PLK5: variants seen among roughly 807,000 people sequenced by gnomAD.
The protein encoded by PLK5 is inactive serine/threonine-protein kinase PLK5.
A neutral mutation model predicts 33.7 loss-of-function variants in PLK5; 28 were observed. The observed-to-expected ratio is 0.83, with a 90% CI of 0.62 to 1.14. PLK5 has a LOEUF of 1.14. Among genes scored for constraint, PLK5 ranks in the 50% most tolerant of loss-of-function variants. The probability of loss-of-function intolerance (pLI) is 0.00; values close to 1 mark genes in which losing one functional copy is unlikely to be tolerated. For missense variants in PLK5, 492 were observed against 461.5 expected (o/e 1.07, Z -0.61); for synonymous variants, 225 against 202.2 (o/e 1.11, Z -0.96).
In PLK5 at chr19:1,527,982, T is replaced by A. The variant is rs1194179676; in HGVS notation, c.49T>A (p.Ser17Thr). 2.0e-6 allele frequency: 3 copies of A among 1,536,022 alleles called. No individual in the cohort carries two copies. The highest frequency in any genetic ancestry group is 2.4e-5 in the East Asian group (1 of 40,904). The change falls in exon 7 of 14, where the codon TCG becomes ACG. Residue 17 changes from serine (S) to threonine (T), a missense_variant. Physicochemically the swap from Ser to Thr is moderately conservative, Grantham distance 58. Transcript: ENST00000454744. ...CCCACCCTTCATGGCCTCACCCCTG[T>A]CGGAGATGTACCAAAACATCCGTGA... is the stretch of plus-strand genomic sequence containing the variant. ...GTPPFMASPL[S>T]EMYQNIREGH...
rs888895270 is a variant in PLK5 at position 1,528,290 on chromosome 19, C to T, written c.202-12C>T. ...ACCTAAGCCGGGGATAACCCCAAAT[C>T]CCCATCCAAAGGGTTTCACTCCAGA... On this transcript the variant is annotated splice_polypyrimidine_tract_variant and intron_variant, in intron 7 of 13. Coordinates refer to ENST00000454744, the MANE Select transcript of PLK5 (RefSeq NM_001243079.2). 6 of 1,535,900 alleles carry T rather than the reference C, an allele frequency of 3.9e-6. No homozygotes were observed. In the Admixed American group the frequency reaches 1.2e-4, roughly 30 times the overall value.
At chr19:1,532,682 C>T (rs1016339154) in intron 12 of PLK5, among the ~76,000 whole-genome samples, 3 of 152,096 alleles carry the variant, frequency 2.0e-5, no homozygotes, top group Non-Finnish European at 4.4e-5. Context: ...GCCACCACTC[C>T]TGGCTAATTT....
chr19:1,529,809 G>T lies in PLK5; in HGVS notation c.553G>T (p.Asp185Tyr). ...CCTCAGACACCTGCAGCTGTGCCTG[G>T]ATGTAGGCCCCCCGGGTAGGAGCCG... ...AALRHLQLCL[D>Y]VGPPATQDPL... Residue 185 changes from aspartate to tyrosine, a missense_variant, in exon 11 of 14, where the codon GAT becomes TAT. Physicochemically the swap from Asp to Tyr is radical, Grantham distance 160. Transcript: ENST00000454744. 1 of 1,535,902 alleles carries T rather than the reference G, an allele frequency of 6.5e-7. No homozygotes were observed. Among genetic ancestry groups the T allele is most frequent in the Non-Finnish European group, 8.7e-7 (1 of 1,146,842 alleles).
rs1048780798 is a variant in PLK5, at chr19:1,528,813, G to A, written c.329-85G>A. On this transcript the variant is annotated intron_variant, in intron 8 of 13. Coordinates refer to ENST00000454744, the MANE Select transcript of PLK5 (RefSeq NM_001243079.2). ...CCTGCTCCGCTCTGTCTCCACATCAGGGGTGGGTGTGGGTGGCAGGTGCCC... is the reference window on the plus strand; with the variant it reads ...CCTGCTCCGCTCTGTCTCCACATCAAGGGTGGGTGTGGGTGGCAGGTGCCC... 2.8e-6 allele frequency: 3 copies of A among 1,056,140 alleles called. No homozygotes were observed. The African/African-American group carries it at 4.9e-5, about 17-fold the overall frequency. The allele number at this position is 1,056,140 out of a possible 1,614,324, so 65.4% of individuals were successfully genotyped here.
intron 6 of PLK5, 37 bp downstream of exon 6, chr19:1,527,035 GGGGGGGGCAGGTGTGGC>G: frequency 7.4e-7 from 1 of 1,357,234 alleles, no homozygotes; most frequent in Non-Finnish European, 9.8e-7. Context: ...CAGGGCCTCC[GGGGGGGGCAGGTGTGGC>G]GGGGGGGGAG....
intron 12 of PLK5, among the ~76,000 whole-genome samples, chr19:1,532,292 G>C (rs1568254576): frequency 6.6e-6 from 1 of 151,984 alleles, no homozygotes; most frequent in Admixed American, 6.6e-5. Context: ...TATAATCCTG[G>C]CACGTTGGAG....
chr19:1,524,659 G>T lies in PLK5; in HGVS notation c.-544+413G>T, dbSNP rs896896311. Reference sequence around the variant, plus strand: ...TGGGTGTTGTGTTGCTTGTTCACCTGTTGTTTGTGCGTCATGCCTTTGTGT... The same window carrying T: ...TGGGTGTTGTGTTGCTTGTTCACCTTTTGTTTGTGCGTCATGCCTTTGTGT... On this transcript the variant is annotated intron_variant, in intron 1 of 13. Coordinates refer to ENST00000454744, the MANE Select transcript of PLK5 (RefSeq NM_001243079.2). The surrounding 1 kb of genome is among the most constrained non-coding windows in gnomAD (Gnocchi z 4.5). Among the ~76,000 whole-genome samples, 3 of 136,386 alleles carry T rather than the reference G, an allele frequency of 2.2e-5. No individual in the cohort carries two copies. Among genetic ancestry groups the T allele is most frequent in the Non-Finnish European group, 4.4e-5 (3 of 67,778 alleles). The allele number at this position is 136,386 out of a possible 152,430, so 89.5% of individuals were successfully genotyped here. A position where few individuals can be genotyped will look rare whatever the true frequency, so the allele number is the denominator to read the frequency against.
chr19:1,531,970 C>T (rs1913945718), intron 12 of PLK5, 87 bp downstream of exon 12: 3 of 1,349,264 alleles, frequency 2.2e-6, no homozygotes, highest in South Asian at 1.6e-5. Context: ...TAAGCACCTA[C>T]TGTGCACACC....
intron 13 of PLK5, 94 bp downstream of exon 13, chr19:1,534,135 A>G: frequency 1.2e-6 from 1 of 821,030 alleles, no homozygotes; most frequent in Non-Finnish European, 1.9e-6. Flanking sequence ...GGGGAGCCTT[A>G]GGAAGCATTT....
In PLK5 at chr19:1,531,894, G is replaced by A. The variant is rs1253509799; in HGVS notation, c.714+11G>A. The A allele has an allele frequency of 6.8e-7, 1 of 1,460,036 alleles. No individual in the cohort carries two copies. 90.4% of individuals were successfully genotyped at this position (1,460,036 alleles called of 1,614,324 possible). The stretch of plus-strand genomic sequence containing the variant: ...GCGACCCCCCGGAGGGTAAGTTGTG[G>A]CCTCCTGTGCCCTGGGGGACCAGGC... On this transcript the variant is annotated intron_variant, in intron 12 of 13. Transcript: ENST00000454744.
chr19:1,529,001 G>T (rs1229152030), intron 9 of PLK5, 27 bp downstream of exon 9: 9 of 1,471,410 alleles, frequency 6.1e-6, no homozygotes, highest in Non-Finnish European at 8.1e-6. Context: ...GGGGACACGG[G>T]GAGACACAGG....
intron 11 of PLK5, among the ~76,000 whole-genome samples, chr19:1,530,341 G>A (rs1003908300): frequency 6.6e-6 from 1 of 151,956 alleles, no homozygotes; most frequent in Non-Finnish European, 1.5e-5. Context: ...CTGTTGCCTA[G>A]GCTGGAGTGC....
rs1914057617 is a variant in PLK5 at position 1,535,141 on chromosome 19, A to G, written c.902A>G (p.Gln301Arg). ...GEGLQLTLWE[Q>R]GSPGTSYSLD... Reference sequence around the variant, plus strand: ...GGTTTGCAGCTCACCCTCTGGGAGCAGGGGTCCCCTGGCACCTCCTACTCC... The same window carrying G: ...GGTTTGCAGCTCACCCTCTGGGAGCGGGGGTCCCCTGGCACCTCCTACTCC... The change falls in exon 14 of 14, where the codon CAG becomes CGG. Residue 301 changes from glutamine (Q) to arginine (R), a missense_variant. By Grantham distance (43) the Gln-to-Arg change is conservative (BLOSUM62 1). Transcript: ENST00000454744. 1 of 1,535,842 alleles carries G rather than the reference A, an allele frequency of 6.5e-7. No homozygotes were observed. Among genetic ancestry groups the G allele is most frequent in the Non-Finnish European group, 8.7e-7 (1 of 1,146,744 alleles).
rs535462819 is a variant in PLK5 at position 1,526,503 on chromosome 19, G to C, written c.-295G>C. ...ACCCACAGTCTTTGGCCCACGTGCTGAGGGCGCGGCAGATCCTGACGGAGC... is the reference window on the plus strand; with the variant it reads ...ACCCACAGTCTTTGGCCCACGTGCTCAGGGCGCGGCAGATCCTGACGGAGC... On this transcript the variant is annotated 5_prime_UTR_variant, in exon 4 of 14. Coordinates refer to ENST00000454744, the MANE Select transcript of PLK5 (RefSeq NM_001243079.2). 9.1e-5 allele frequency: 24 copies of C among 262,426 alleles called. No individual in the cohort carries two copies. In the East Asian group the frequency reaches 3.0e-3, roughly 33 times the overall value. The allele number at this position is 262,426 out of a possible 1,614,324, so 16.3% of individuals were successfully genotyped here. A position where few individuals can be genotyped will look rare whatever the true frequency, so the allele number is the denominator to read the frequency against.
In PLK5 at chr19:1,524,575, A is replaced by G. The variant is rs1372238525; in HGVS notation, c.-544+329A>G. ...TGCCGCGTCTGTGCCCGCTGCTTCCAAGTGTCTGGGTGCTGTGCGGTGTTC... is the reference window on the plus strand; with the variant it reads ...TGCCGCGTCTGTGCCCGCTGCTTCCGAGTGTCTGGGTGCTGTGCGGTGTTC... On this transcript the variant is annotated intron_variant, in intron 1 of 13. Coordinates refer to ENST00000454744, the MANE Select transcript of PLK5 (RefSeq NM_001243079.2). The surrounding 1 kb of genome is among the most constrained non-coding windows in gnomAD (Gnocchi z 4.5). 6.6e-6 allele frequency among the ~76,000 whole-genome samples: 1 copy of G among 150,614 alleles called. No homozygotes were observed. The highest frequency in any genetic ancestry group is 1.5e-5 in the Non-Finnish European group (1 of 67,734).
intron 12 of PLK5, among the ~76,000 whole-genome samples, chr19:1,533,077 G>A (rs1913980276): frequency 6.6e-6 from 1 of 152,098 alleles, no homozygotes. Flanking sequence ...CAAGGCTCCA[G>A]TGAGCCATGA....
In PLK5 at chr19:1,526,732, G is replaced by T; in HGVS notation, c.-154G>T. 1.8e-6 allele frequency: 1 copy of T among 551,328 alleles called. No homozygotes were observed. The highest frequency in any genetic ancestry group is 3.3e-6 in the Non-Finnish European group (1 of 307,404). The allele number at this position is 551,328 out of a possible 1,614,324, so 34.2% of individuals were successfully genotyped here. On this transcript the variant is annotated 5_prime_UTR_variant, in exon 5 of 14. The change creates a new upstream start codon in the 5' untranslated region. Transcript: ENST00000454744. ...ACTTCTTCCTTAACAAGAACATGGA[G>T]GTGAAGATTGGAGACCTGGGACTGG... is the stretch of plus-strand genomic sequence containing the variant.
At chr19:1,527,860 C>A in intron 6 of PLK5, 76 bp from the exon 7 acceptor site, 1 of 1,402,650 alleles carries the variant, frequency 7.1e-7, no homozygotes, top group Non-Finnish European at 9.6e-7. Context: ...GCTGTGTAGG[C>A]AGGTCTGGCC....
In PLK5 at chr19:1,535,637, CT is replaced by C. The variant is rs1049385892; in HGVS notation, c.*390del. 2 of 203,582 alleles carry C rather than the reference CT, an allele frequency of 9.8e-6. No homozygotes were observed. The highest frequency in any genetic ancestry group is 4.8e-5 in the African/African-American group (2 of 42,056). The allele number at this position is 203,582 out of a possible 1,614,324, so 12.6% of individuals were successfully genotyped here. A position where few individuals can be genotyped will look rare whatever the true frequency, so the allele number is the denominator to read the frequency against. On this transcript the variant is annotated 3_prime_UTR_variant, in exon 14 of 14. Coordinates refer to ENST00000454744, the MANE Select transcript of PLK5 (RefSeq NM_001243079.2). ...GTGGCTCATGCCTGGAATCCCAGCA[CT>C]TTGGGAGGCCAAGGCAGGAGGATCG...
Sources: gnomAD v4.1 joint callset for allele counts (sites outside exome capture counted in the v4.1 genomes callset) on GRCh38, gnomAD v4.1.1 for gene constraint, Gnocchi (gnomAD v3.1) non-coding constraint, MANE v1.5 for transcripts, NCBI Gene and HGNC (gene_info 2026-07-23, HGNC 2026-07-21) for gene names.